SMAD6: variants seen among roughly 807,000 people sequenced by gnomAD.
The protein encoded by SMAD6 is MAD homolog 6.
In SMAD6, 103 loss-of-function variants were observed where a neutral mutation model predicts 39.4. That is an observed-to-expected ratio of 2.62 (90% CI 2.23 to 3.08). The LOEUF is 3.08. SMAD6 is among the 30% of genes most tolerant of loss of function. The pLI, the probability that SMAD6 is intolerant of heterozygous loss-of-function variation, is 0.00. For missense variants in SMAD6, 1,104 were observed against 742.9 expected (o/e 1.49, Z -5.65); for synonymous variants, 445 against 353.3 (o/e 1.26, Z -2.91).
chr15:66,713,178 G>A (rs549433727), intron 2 of SMAD6, among the ~76,000 whole-genome samples: 18 of 152,284 alleles, frequency 1.2e-4, no homozygotes, highest in African/African-American at 3.9e-4. Context: ...AGCAGTTCCC[G>A]TGGGACTCAA....
intron 1 of SMAD6, among the ~76,000 whole-genome samples, chr15:66,710,558 C>T (rs1893207853): frequency 6.6e-6 from 1 of 152,122 alleles, no homozygotes; most frequent in Non-Finnish European, 1.5e-5. Context: ...ACACTTATTA[C>T]CCCTTGTGTC....
At chr15:66,704,170 C>A in intron 1 of SMAD6, 95 bp downstream of exon 1, 2 of 1,036,820 alleles carry the variant, frequency 1.9e-6, no homozygotes, top group South Asian at 2.5e-5. Flanking sequence ...GGCGCAGCTG[C>A]GGGTGCTCCC....
intron 3 of SMAD6, among the ~76,000 whole-genome samples, chr15:66,761,605 C>CG (rs925531618): frequency 2.0e-5 from 3 of 152,154 alleles, no homozygotes; most frequent in Non-Finnish European, 4.4e-5. Flanking sequence ...GTATCTAGGA[C>CG]GGGGGGCCCT....
chr15:66,732,921 T>G (rs1893655155), intron 3 of SMAD6, among the ~76,000 whole-genome samples: 1 of 152,094 alleles, frequency 6.6e-6, no homozygotes, highest in Non-Finnish European at 1.5e-5. Context: ...TTTTTTTATG[T>G]TTTCTTCTAG....
At chr15:66,724,385 C>T (rs574605542) in intron 3 of SMAD6, among the ~76,000 whole-genome samples, 17 of 152,256 alleles carry the variant, frequency 1.1e-4, no homozygotes, top group Non-Finnish European at 2.4e-4. Context: ...GATCATCACA[C>T]ATATTTAATG....
chr15:66,709,643 AG>A (rs1428778633), intron 1 of SMAD6, among the ~76,000 whole-genome samples: 1 of 152,206 alleles, frequency 6.6e-6, no homozygotes, highest in Non-Finnish European at 1.5e-5. Context: ...AGTAACCCTA[AG>A]GAATTGCAGG....
At chr15:66,725,573 C>T (rs915173415) in intron 3 of SMAD6, among the ~76,000 whole-genome samples, 1 of 152,168 alleles carries the variant, frequency 6.6e-6, no homozygotes, top group African/African-American at 2.4e-5. Context: ...TTGAGTTGTC[C>T]AGGGTAGTGC....
At position 66,703,877 on chromosome 15, in the gene SMAD6, C is replaced by A; in HGVS notation, c.619C>A (p.Leu207Met). 8 of 1,322,736 alleles carry A rather than the reference C, an allele frequency of 6.0e-6. No homozygotes were observed. The highest frequency in any genetic ancestry group is 6.8e-6 in the Non-Finnish European group (7 of 1,033,128). The allele number at this position is 1,322,736 out of a possible 1,614,324, so 81.9% of individuals were successfully genotyped here. A position where few individuals can be genotyped will look rare whatever the true frequency, so the allele number is the denominator to read the frequency against. ...SRGGVPGGCVLVPRADLRLGG... is the reference protein window; with the variant it reads ...SRGGVPGGCVMVPRADLRLGG... ...CGGCGGCGTGCCGGGCGGCTGCGTG[C>A]TGGTGCCGCGCGCCGACCTCCGCCT... is the stretch of plus-strand genomic sequence containing the variant. Residue 207 changes from leucine to methionine, a missense_variant, in exon 1 of 4, where the codon CTG becomes ATG. Transcript: ENST00000288840.
At position 66,703,375 on chromosome 15, in the gene SMAD6, G is replaced by C; in HGVS notation, c.117G>C (p.Leu39Phe). The C allele has an allele frequency of 6.9e-7, 1 of 1,459,464 alleles. No homozygotes were observed. Among genetic ancestry groups the C allele is most frequent in the Non-Finnish European group, 9.0e-7 (1 of 1,105,466 alleles). 90.4% of individuals were successfully genotyped at this position (1,459,464 alleles called of 1,614,324 possible). The stretch of plus-strand genomic sequence containing the variant: ...GTGGCGGCGACGAGGATGGGAGCTT[G>C]GGCAGCCGAGCTGAGCCGGCCCCGC... ...GGGGGDEDGS[L>F]GSRAEPAPRA... Residue 39 changes from leucine to phenylalanine, a missense_variant, in exon 1 of 4, where the codon TTG becomes TTC. By Grantham distance (22) the Leu-to-Phe change is conservative (BLOSUM62 0). Transcript: ENST00000288840.
Position 66,703,309 on chromosome 15 carries a change from T to C in SMAD6, c.51T>C (p.Arg17=). ...SGLVRRLWRS[R]VVPDREEGGS... is the part of the protein sequence containing the mutation. ...TGGTGCGGCGACTTTGGCGAAGTCG[T>C]GTGGTCCCCGACCGGGAGGAAGGCG... Residue 17 remains arginine, a synonymous_variant, in exon 1 of 4, where the codon CGT becomes CGC. Transcript: ENST00000288840. 1.3e-6 allele frequency: 2 copies of C among 1,490,148 alleles called. No individual in the cohort carries two copies. The highest frequency in any genetic ancestry group is 8.9e-7 in the Non-Finnish European group (1 of 1,119,242). 92.3% of individuals were successfully genotyped at this position (1,490,148 alleles called of 1,614,324 possible). A position where few individuals can be genotyped will look rare whatever the true frequency, so the allele number is the denominator to read the frequency against.
Position 66,781,336 on chromosome 15 carries a change from C to T in SMAD6, c.1292C>T (p.Pro431Leu), listed in dbSNP as rs369647470. The change falls in exon 4 of 4, where the codon CCC becomes CTC. Residue 431 changes from proline (P) to leucine (L), a missense_variant. Pro to Leu is a moderately conservative substitution (Grantham distance 98). Coordinates refer to ENST00000288840, the MANE Select transcript of SMAD6 (RefSeq NM_005585.5). ...GGRALVVRKV[P>L]PGYSIKVFDF... ...CGCGCCCTGGTCGTGCGCAAGGTGC[C>T]CCCCGGCTACTCCATCAAGGTGTTC... 6.3e-7 allele frequency: 1 copy of T among 1,598,990 alleles called. No homozygotes were observed. Among genetic ancestry groups the T allele is most frequent in the Admixed American group, 1.7e-5 (1 of 59,736 alleles).
chr15:66,716,934 T>C (rs968557202), intron 3 of SMAD6: 5 of 1,258,422 alleles, frequency 4.0e-6, no homozygotes, highest in African/African-American at 3.1e-5. Flanking sequence ...TTGGAGCCGG[T>C]TGAATGAGCT....
chr15:66,727,938 C>T (rs969556819), intron 3 of SMAD6, among the ~76,000 whole-genome samples: 18 of 151,960 alleles, frequency 1.2e-4, no homozygotes, highest in African/African-American at 3.4e-4. Context: ...CGGTAACCTC[C>T]GCCTCCTGGG....
rs1259557323 is a variant in SMAD6 at position 66,704,075 on chromosome 15, G to A, written c.817G>A (p.Glu273Lys). ...CCACTTCAGCCGGCTCTGCGGGCCC[G>A]GTGAGCGCGCTGCGCCGGCCGGGGG... ...PYHFSRLCGP[E>K]SPPPPYSRLS... The change falls in exon 1 of 4, where the codon GAA becomes AAA. Residue 273 changes from glutamate to lysine, a missense_variant and splice_region_variant. Coordinates refer to ENST00000288840, the MANE Select transcript of SMAD6 (RefSeq NM_005585.5). 1.2e-5 allele frequency: 18 copies of A among 1,478,814 alleles called. No homozygotes were observed. The highest frequency in any genetic ancestry group is 2.3e-5 in the Admixed American group (1 of 43,182). The allele number at this position is 1,478,814 out of a possible 1,614,324, so 91.6% of individuals were successfully genotyped here.
At position 66,770,342 on chromosome 15, in the gene SMAD6, C is replaced by T. The variant is rs918709003; in HGVS notation, c.953-10655C>T. ...CTCAGGCCCAGCCTGATGTAAGAAC[C>T]GGCGCGGCCTGATGTAAGGCCGGTG... On this transcript the variant is annotated intron_variant, in intron 3 of 3. Coordinates refer to ENST00000288840, the MANE Select transcript of SMAD6 (RefSeq NM_005585.5). Among the ~76,000 whole-genome samples, 15 of 152,108 alleles carry T rather than the reference C, an allele frequency of 9.9e-5. No individual in the cohort carries two copies. In the South Asian group the frequency reaches 1.0e-3, roughly 11 times the overall value.
chr15:66,712,631 G>A lies in SMAD6; in HGVS notation c.874+907G>A, dbSNP rs1018563240. On this transcript the variant is annotated intron_variant, in intron 2 of 3. Coordinates refer to ENST00000288840, the MANE Select transcript of SMAD6 (RefSeq NM_005585.5). The stretch of plus-strand genomic sequence containing the variant: ...GCTTGAACCTGGGAGGTTGCAGTGA[G>A]CTGAGGTCACGCCACTGCACTCCAG... Among the ~76,000 whole-genome samples, 21 of 150,252 alleles carry A rather than the reference G, an allele frequency of 1.4e-4. No individual in the cohort carries two copies. The East Asian group carries it at 2.5e-3, about 18-fold the overall frequency.
At chr15:66,711,773 G>T in intron 2 of SMAD6, 49 bp downstream of exon 2, 1 of 1,447,902 alleles carries the variant, frequency 6.9e-7, no homozygotes, top group Non-Finnish European at 9.7e-7. Context: ...CCCGAACTGG[G>T]TCCTCTTCAG....
At chr15:66,779,584 G>A (rs1371944759) in intron 3 of SMAD6, among the ~76,000 whole-genome samples, 1 of 152,216 alleles carries the variant, frequency 6.6e-6, no homozygotes, top group Non-Finnish European at 1.5e-5. Flanking sequence ...CAGGGGCCCT[G>A]CCACCCTGTT....
intron 3 of SMAD6, among the ~76,000 whole-genome samples, chr15:66,765,844 A>G (rs1219591979): frequency 6.6e-6 from 1 of 152,148 alleles, no homozygotes; most frequent in Non-Finnish European, 1.5e-5. Flanking sequence ...TAGCCACAAC[A>G]CAGGGCTGGG....
Sources: allele counts gnomAD v4.1 joint callset (sites outside exome capture counted in the v4.1 genomes callset), GRCh38; gene constraint gnomAD v4.1.1; transcripts MANE v1.5; gene names NCBI Gene and HGNC (gene_info 2026-07-23, HGNC 2026-07-21).